RAPGEF2: variants seen among roughly 807,000 people sequenced by gnomAD.
RAPGEF2 encodes the protein Rap guanine nucleotide exchange factor 2.
In RAPGEF2, 54 loss-of-function variants were observed where a neutral mutation model predicts 186.7. That is an observed-to-expected ratio of 0.29 (90% CI 0.23 to 0.36). The LOEUF is 0.36. RAPGEF2 is among the 10% of genes least tolerant of loss of function. The probability of loss-of-function intolerance (pLI) is 1.00; values close to 1 mark genes in which losing one functional copy is unlikely to be tolerated. For missense variants in RAPGEF2, 1,532 were observed against 2,045.0 expected (o/e 0.75, Z 4.84); for synonymous variants, 712 against 705.9 (o/e 1.01, Z -0.14).
chr4:159,161,459 C>A (rs577520511), intron 1 of RAPGEF2, among the ~76,000 whole-genome samples: 3 of 152,194 alleles, frequency 2.0e-5, no homozygotes, highest in Non-Finnish European at 4.4e-5. Context: ...AATCCCAGCA[C>A]TTTGGGAGGC....
intron 1 of RAPGEF2, among the ~76,000 whole-genome samples, chr4:159,115,098 C>T (rs966931261): frequency 6.6e-6 from 1 of 152,062 alleles, no homozygotes; most frequent in South Asian, 2.1e-4. Context: ...AAAGTCAGCC[C>T]CCCTCCCCAG....
intron 4 of RAPGEF2, among the ~76,000 whole-genome samples, chr4:159,218,324 T>C (rs1751178714): frequency 6.6e-6 from 1 of 152,204 alleles, no homozygotes; most frequent in African/African-American, 2.4e-5. Context: ...GTTAAAACTG[T>C]CCTCATTGAG....
intron 1 of RAPGEF2, among the ~76,000 whole-genome samples, chr4:159,143,722 A>C (rs1742604511): frequency 6.6e-6 from 1 of 152,160 alleles, no homozygotes; most frequent in South Asian, 2.1e-4. Context: ...TGGATGGAAT[A>C]GGTGTTTCTG....
At chr4:159,273,634 C>G (rs1206698138) in intron 7 of RAPGEF2, among the ~76,000 whole-genome samples, 109 of 25,536 alleles carry the variant, frequency 4.3e-3, no homozygotes, top group African/African-American at 0.015. Flanking sequence ...CAGTTTCTTT[C>G]TTTCTTTCTT....
At chr4:159,173,739 GT>G (rs921510658) in intron 1 of RAPGEF2, among the ~76,000 whole-genome samples, 12 of 152,300 alleles carry the variant, frequency 7.9e-5, no homozygotes, top group Middle Eastern at 3.4e-3. Context: ...TGTTCTCTGT[GT>G]GTATACGCAG....
intron 7 of RAPGEF2, among the ~76,000 whole-genome samples, chr4:159,300,216 AAC>A (rs1355819325): frequency 7.5e-6 from 1 of 133,560 alleles, no homozygotes; most frequent in Admixed American, 7.4e-5. Context: ...ATCTGATTTA[AAC>A]AATATATAAT....
intron 20 of RAPGEF2, among the ~76,000 whole-genome samples, chr4:159,342,553 A>ATTATTTTATTTTATTTTATTTTATT (rs1159754910): frequency 6.4e-4 from 46 of 71,958 alleles, no homozygotes; most frequent in African/African-American, 1.9e-3. Flanking sequence ...TTTATTTTAT[A>ATTATTTTATTTTATTTTATTTTATT]TTATTTTATT....
chr4:159,116,928 C>T (rs1159473449), intron 1 of RAPGEF2, among the ~76,000 whole-genome samples: 1 of 152,130 alleles, frequency 6.6e-6, no homozygotes. Flanking sequence ...GCATGCTGGG[C>T]TTAATAACTA....
At chr4:159,312,821 C>T (rs777025482) in intron 8 of RAPGEF2, among the ~76,000 whole-genome samples, 3 of 152,030 alleles carry the variant, frequency 2.0e-5, no homozygotes, top group Non-Finnish European at 2.9e-5. Flanking sequence ...TGATATGAAC[C>T]GGGACTTTAC....
At chr4:159,130,699 CTAT>C (rs1253045811) in intron 1 of RAPGEF2, among the ~76,000 whole-genome samples, 1 of 152,060 alleles carries the variant, frequency 6.6e-6, no homozygotes, top group Non-Finnish European at 1.5e-5. Flanking sequence ...TAAAAGTTAT[CTAT>C]TATTGTTTTA....
chr4:159,346,533 G>T (rs905154280), intron 24 of RAPGEF2, among the ~76,000 whole-genome samples: 1 of 152,090 alleles, frequency 6.6e-6, no homozygotes, highest in Non-Finnish European at 1.5e-5. Flanking sequence ...TTAATGGGGT[G>T]TTTAATAGTA....
chr4:159,219,621 C>T (rs1054334503), intron 4 of RAPGEF2, among the ~76,000 whole-genome samples: 7 of 152,164 alleles, frequency 4.6e-5, no homozygotes, highest in East Asian at 3.8e-4. Flanking sequence ...TCCCAAAGTG[C>T]TGGGATTACA....
rs566182414 is a variant in RAPGEF2, at chr4:159,265,328, A to G, written c.543+21537A>G. Among the ~76,000 whole-genome samples, 4 of 152,336 alleles carry G rather than the reference A, an allele frequency of 2.6e-5. No homozygotes were observed. In the East Asian group the frequency reaches 5.8e-4, roughly 22 times the overall value. ...ACATGCAAAATTACAACGGTAGTAA[A>G]TGAGTGCTTCAGTGAAGGGATAAAC... On this transcript the variant is annotated intron_variant, in intron 7 of 29. Transcript: ENST00000691494.
intron 9 of RAPGEF2, among the ~76,000 whole-genome samples, chr4:159,317,438 C>T (rs1005179175): frequency 1.3e-5 from 2 of 152,152 alleles, no homozygotes; most frequent in Non-Finnish European, 2.9e-5. Flanking sequence ...AAACCTATTG[C>T]AGGCAGTGAG....
At chr4:159,339,538 C>T (rs917135443) in intron 19 of RAPGEF2, among the ~76,000 whole-genome samples, 184 bp downstream of exon 19, 2 of 151,760 alleles carry the variant, frequency 1.3e-5, no homozygotes, top group Admixed American at 6.6e-5. Flanking sequence ...TGCACACAGT[C>T]GACTACTGAC....
At chr4:159,206,219 C>T (rs1472881472) in intron 3 of RAPGEF2, among the ~76,000 whole-genome samples, 2 of 152,196 alleles carry the variant, frequency 1.3e-5, no homozygotes, top group African/African-American at 2.4e-5. Context: ...CATGAGCCAC[C>T]GCGCCCAGCC....
chr4:159,118,874 C>T (rs759121607), intron 1 of RAPGEF2, among the ~76,000 whole-genome samples: 7 of 152,148 alleles, frequency 4.6e-5, no homozygotes, highest in Admixed American at 1.3e-4. Context: ...CATGAGCCAC[C>T]GCGCCCGGCC....
intron 3 of RAPGEF2, among the ~76,000 whole-genome samples, chr4:159,198,721 C>T (rs1383231251): frequency 6.6e-6 from 1 of 151,946 alleles, no homozygotes; most frequent in African/African-American, 2.4e-5. Flanking sequence ...GCTGGGATTA[C>T]AGGCGTGAGC....
intron 1 of RAPGEF2, among the ~76,000 whole-genome samples, chr4:159,115,736 C>G (rs1370847894): frequency 6.6e-6 from 1 of 152,114 alleles, no homozygotes; most frequent in Admixed American, 6.6e-5. Context: ...CAAAAACAGA[C>G]ACATAGACCA....
Sources: gnomAD v4.1 joint callset for allele counts (sites outside exome capture counted in the v4.1 genomes callset) on GRCh38, gnomAD v4.1.1 for gene constraint, MANE v1.5 for transcripts, NCBI Gene and HGNC (gene_info 2026-07-23, HGNC 2026-07-21) for gene names.